The following WWOX variants were observed in gnomAD, a reference collection of about 807,000 sequenced individuals.
WWOX encodes the protein WW domain containing oxidoreductase.
In WWOX, 69 loss-of-function variants were observed where a neutral mutation model predicts 46.2. That is an observed-to-expected ratio of 1.49 (90% CI 1.23 to 1.82). The LOEUF (loss-of-function observed/expected upper bound fraction) is 1.82. Among genes scored for constraint, WWOX ranks in the 40% most tolerant of loss-of-function variants. The pLI, the probability that WWOX is intolerant of heterozygous loss-of-function variation, is 0.00. For synonymous variants in WWOX, 359 were observed against 202.6 expected, an observed-to-expected ratio of 1.77 and a Z score of -6.56; for missense variants, 919 against 542.6, an observed-to-expected ratio of 1.69 and a Z score of -6.89.
chr16:78,582,573 T>G (rs184282340), intron 8 of WWOX, among the ~76,000 whole-genome samples: 1 of 152,222 alleles, frequency 6.6e-6, no homozygotes, highest in Non-Finnish European at 1.5e-5. Context: ...TTTCTAATTA[T>G]ATGTTGATCA....
At chr16:78,288,986 C>G (rs183133029) in intron 5 of WWOX, among the ~76,000 whole-genome samples, 2 of 152,260 alleles carry the variant, frequency 1.3e-5, no homozygotes, top group African/African-American at 4.8e-5. Context: ...AAAACTAACA[C>G]GCAGTGGGAA....
At chr16:78,716,439 G>C (rs545925453) in intron 8 of WWOX, among the ~76,000 whole-genome samples, 31 of 152,246 alleles carry the variant, frequency 2.0e-4, no homozygotes, top group African/African-American at 6.5e-4. Context: ...AGGGATGAAT[G>C]CTCCTGCCAA....
At chr16:78,644,022 A>G (rs2046784550) in intron 8 of WWOX, among the ~76,000 whole-genome samples, 1 of 152,130 alleles carries the variant, frequency 6.6e-6, no homozygotes, top group African/African-American at 2.4e-5. Context: ...CAGGAGTTTG[A>G]GACCAGCCTG....
intron 8 of WWOX, among the ~76,000 whole-genome samples, chr16:78,579,994 C>T (rs1439720060): frequency 6.6e-6 from 1 of 152,080 alleles, no homozygotes; most frequent in African/African-American, 2.4e-5. Flanking sequence ...AAGGCGCTTG[C>T]TCTTCTTTGT....
At chr16:78,302,224 G>A (rs373531875) in intron 5 of WWOX, among the ~76,000 whole-genome samples, 1 of 152,130 alleles carries the variant, frequency 6.6e-6, no homozygotes, top group Non-Finnish European at 1.5e-5. Flanking sequence ...GCCTCCCAAA[G>A]TGCTGGGGTT....
intron 8 of WWOX, among the ~76,000 whole-genome samples, chr16:78,612,046 C>G (rs756887651): frequency 6.6e-6 from 1 of 152,172 alleles, no homozygotes; most frequent in African/African-American, 2.4e-5. Context: ...CAAGTTGGAT[C>G]CTGGTGTGCA....
In WWOX at chr16:79,050,791, C is replaced by A. The variant is rs553750726; in HGVS notation, c.1057-160817C>A. On this transcript the variant is annotated intron_variant, in intron 8 of 8. Transcript: ENST00000566780. The stretch of plus-strand genomic sequence containing the variant: ...AGGGTGGGTCGAACCTGTTGAAGGC[C>A]CAGAGCTTGCTTCTCTTCTGCCGCC... Among the ~76,000 whole-genome samples, 3 of 152,262 alleles carry A rather than the reference C, an allele frequency of 2.0e-5. No homozygotes were observed. The East Asian group carries it at 5.8e-4, about 29-fold the overall frequency.
intron 8 of WWOX, among the ~76,000 whole-genome samples, chr16:78,647,627 C>T: frequency 6.6e-6 from 1 of 152,218 alleles, no homozygotes. Flanking sequence ...CTACCATTTC[C>T]TGAGGGCATA....
At chr16:79,193,013 G>T (rs1169053938) in intron 8 of WWOX, among the ~76,000 whole-genome samples, 1 of 152,240 alleles carries the variant, frequency 6.6e-6, no homozygotes, top group Non-Finnish European at 1.5e-5. Context: ...ACCAAAAGGA[G>T]ACAGAAGTTT....
chr16:79,021,868 A>G (rs1231937436), intron 8 of WWOX, among the ~76,000 whole-genome samples: 16 of 152,208 alleles, frequency 1.1e-4, no homozygotes, highest in Admixed American at 1.0e-3. Flanking sequence ...GCCAGTTATA[A>G]AGGAGCAGGA....
At position 78,885,924 on chromosome 16, in the gene WWOX, A is replaced by ATT. The variant is rs376409155; in HGVS notation, c.1057-325667_1057-325666dup. 3.9e-3 allele frequency among the ~76,000 whole-genome samples: 524 copies of ATT among 135,688 alleles called. 8 individuals are homozygous for ATT. The highest frequency in any genetic ancestry group is 0.01 in the East Asian group (46 of 4,582). 89.0% of individuals were successfully genotyped at this position (135,688 alleles called of 152,430 possible). A position where few individuals can be genotyped will look rare whatever the true frequency, so the allele number is the denominator to read the frequency against. ...ATCCACGTACAGGGATGGGGATGGA[A>ATT]TTTTTTTTTTTTTTTTTTGAGACAG... On this transcript the variant is annotated intron_variant, in intron 8 of 8. Transcript: ENST00000566780.
intron 8 of WWOX, among the ~76,000 whole-genome samples, chr16:78,651,927 T>C (rs2046974085): frequency 6.6e-6 from 1 of 152,060 alleles, no homozygotes; most frequent in Admixed American, 6.5e-5. Flanking sequence ...GTAAGTAAAA[T>C]GCAATGGCAG....
chr16:78,673,347 C>T (rs1304397152), intron 8 of WWOX, among the ~76,000 whole-genome samples: 2 of 152,154 alleles, frequency 1.3e-5, no homozygotes, highest in South Asian at 2.1e-4. Flanking sequence ...GCTGGCTGTG[C>T]TAGGAAACTC....
intron 8 of WWOX, among the ~76,000 whole-genome samples, chr16:78,594,298 G>C (rs1000731047): frequency 3.3e-5 from 5 of 151,916 alleles, no homozygotes; most frequent in Admixed American, 6.6e-5. Context: ...CATTTCCGTA[G>C]ACTGTTTTTT....
intron 8 of WWOX, among the ~76,000 whole-genome samples, chr16:79,014,511 C>A (rs768604469): frequency 6.6e-6 from 1 of 152,168 alleles, no homozygotes; most frequent in South Asian, 2.1e-4. Flanking sequence ...GCCGTTGCTC[C>A]AGATCCTTCT....
intron 8 of WWOX, among the ~76,000 whole-genome samples, chr16:79,098,231 C>T (rs972421457): frequency 6.6e-6 from 1 of 152,158 alleles, no homozygotes; most frequent in Non-Finnish European, 1.5e-5. Context: ...AGATTGAATC[C>T]AGAAGCTCTA....
chr16:78,932,464 C>T (rs1240885377), intron 8 of WWOX, among the ~76,000 whole-genome samples: 3 of 152,232 alleles, frequency 2.0e-5, no homozygotes, highest in Non-Finnish European at 4.4e-5. Context: ...AATGTGCACA[C>T]CGACAGCCAC....
chr16:78,361,951 C>T lies in WWOX; in HGVS notation c.517-24909C>T, dbSNP rs561601580. 6.2e-5 allele frequency among the ~76,000 whole-genome samples: 9 copies of T among 145,762 alleles called. No homozygotes were observed. In the South Asian group the frequency reaches 1.1e-3, roughly 18 times the overall value. ...TTCTGATTCAATTACTTTATATTAGCGTAGATTCACAGGTATTTCCTTTTT... is the reference window on the plus strand; with the variant it reads ...TTCTGATTCAATTACTTTATATTAGTGTAGATTCACAGGTATTTCCTTTTT... On this transcript the variant is annotated intron_variant, in intron 5 of 8. Coordinates refer to ENST00000566780, the MANE Select transcript of WWOX (RefSeq NM_016373.4).
chr16:78,556,784 C>G (rs111671621), intron 8 of WWOX, among the ~76,000 whole-genome samples: 1 of 152,042 alleles, frequency 6.6e-6, no homozygotes, highest in African/African-American at 2.4e-5. Flanking sequence ...GGCATGATCT[C>G]GGCTCACTGC....
Sources: gnomAD v4.1 joint callset for allele counts (sites outside exome capture counted in the v4.1 genomes callset) on GRCh38, gnomAD v4.1.1 for gene constraint, MANE v1.5 for transcripts, NCBI Gene and HGNC (gene_info 2026-07-23, HGNC 2026-07-21) for gene names.